The following ROCK2 variants were observed in gnomAD, a reference collection of about 807,000 sequenced individuals.
The protein encoded by ROCK2 is Rho associated coiled-coil containing protein kinase 2.
Under a neutral mutation model 195.1 loss-of-function variants are expected in ROCK2, and 61 were observed. The ratio of observed to expected loss-of-function variants is 0.31; its 90% CI spans 0.25 to 0.39. The LOEUF (loss-of-function observed/expected upper bound fraction) is 0.39. Ranked by LOEUF, ROCK2 falls within the 10% of genes least tolerant of loss-of-function variation. The pLI is 1.00. For synonymous variants in ROCK2, 504 were observed against 545.5 expected, an observed-to-expected ratio of 0.92 and a Z score of 1.06; for missense variants, 1,109 against 1,637.4, an observed-to-expected ratio of 0.68 and a Z score of 5.57.
At chr2:11,186,660 G>A (rs1663210620) in intron 32 of ROCK2, among the ~76,000 whole-genome samples, 1 of 151,920 alleles carries the variant, frequency 6.6e-6, no homozygotes, top group Non-Finnish European at 1.5e-5. Context: ...TTTCAGTTGG[G>A]TTCAGACTTT....
At chr2:11,213,565 T>C (rs202190391) in intron 17 of ROCK2, among the ~76,000 whole-genome samples, 1 of 60,912 alleles carries the variant, frequency 1.6e-5, no homozygotes, top group Non-Finnish European at 5.0e-5. Flanking sequence ...CCACAGAAGA[T>C]AAAATATTTA....
At chr2:11,230,259 T>C (rs556974486) in intron 5 of ROCK2, among the ~76,000 whole-genome samples, 1 of 152,098 alleles carries the variant, frequency 6.6e-6, no homozygotes, top group South Asian at 2.1e-4. Context: ...ACAGAGAAAA[T>C]ATAAGACAAG....
chr2:11,229,143 TATAGTA>T (rs1664913143), intron 5 of ROCK2, among the ~76,000 whole-genome samples: 1 of 152,162 alleles, frequency 6.6e-6, no homozygotes, highest in African/African-American at 2.4e-5. Context: ...TTATATTCTA[TATAGTA>T]ATAGTAATTA....
chr2:11,183,314 T>A lies in ROCK2; in HGVS notation c.*123A>T. ...AAAGGGGAACACATATATGTATGAG[T>A]GTATGTATCAGTCTCTCAGGAAAAT... On this transcript the variant is annotated 3_prime_UTR_variant, in exon 33 of 33. Coordinates refer to ENST00000315872, the MANE Select transcript of ROCK2 (RefSeq NM_004850.5). 1.4e-6 allele frequency: 1 copy of A among 694,338 alleles called. No homozygotes were observed. The highest frequency in any genetic ancestry group is 2.5e-6 in the Non-Finnish European group (1 of 405,020). 43.0% of individuals were successfully genotyped at this position (694,338 alleles called of 1,614,324 possible). A position where few individuals can be genotyped will look rare whatever the true frequency, so the allele number is the denominator to read the frequency against.
chr2:11,249,266 G>A (rs1665742881), intron 4 of ROCK2, among the ~76,000 whole-genome samples: 2 of 152,112 alleles, frequency 1.3e-5, no homozygotes, highest in African/African-American at 4.8e-5. Flanking sequence ...GTGCAGGTCT[G>A]TTACATATGT....
At chr2:11,333,553 T>C (rs992618030) in intron 1 of ROCK2, among the ~76,000 whole-genome samples, 54 of 152,208 alleles carry the variant, frequency 3.5e-4, no homozygotes, top group African/African-American at 1.3e-3. Context: ...ACTACAAACA[T>C]GAAACAGTTT....
intron 28 of ROCK2, 142 bp downstream of exon 28, chr2:11,194,808 AATCAT>A (rs1223275618): frequency 2.4e-6 from 1 of 416,200 alleles, no homozygotes; most frequent in Non-Finnish European, 4.3e-6. Context: ...AGATAAATAA[AATCAT>A]ATCATTTCAA....
intron 1 of ROCK2, among the ~76,000 whole-genome samples, chr2:11,292,991 GC>G (rs1667407618): frequency 6.6e-6 from 1 of 152,072 alleles, no homozygotes; most frequent in Admixed American, 6.5e-5. Flanking sequence ...GCTTCCCTTT[GC>G]TTTCTGTCAT....
chr2:11,311,943 T>C (rs180978901), intron 1 of ROCK2, among the ~76,000 whole-genome samples: 3 of 152,282 alleles, frequency 2.0e-5, no homozygotes, highest in Non-Finnish European at 2.9e-5. Context: ...CAACTACAAA[T>C]ATGTACAATG....
intron 11 of ROCK2, 171 bp from the exon 12 acceptor site, chr2:11,217,340 TCCC>T (rs1664469937): frequency 2.8e-6 from 2 of 709,940 alleles, no homozygotes; most frequent in South Asian, 1.4e-5. Context: ...AAGGAAAAAC[TCCC>T]CCATCTCTTG....
At chr2:11,216,448 G>C (rs528200357) in intron 12 of ROCK2, among the ~76,000 whole-genome samples, 35 of 151,442 alleles carry the variant, frequency 2.3e-4, no homozygotes, top group South Asian at 4.2e-4. Context: ...GCCCCTCAAA[G>C]TGTTGGGATT....
chr2:11,198,788 G>C lies in ROCK2; in HGVS notation c.2911-14C>G. 1 of 1,491,652 alleles carries C rather than the reference G, an allele frequency of 6.7e-7. No individual in the cohort carries two copies. Among genetic ancestry groups the C allele is most frequent in the African/African-American group, 1.4e-5 (1 of 71,122 alleles). The allele number at this position is 1,491,652 out of a possible 1,614,324, so 92.4% of individuals were successfully genotyped here. Reference sequence around the variant, plus strand: ...AGTTTCCTCAAGCTAAGAAATGAAAGAGGAAAAAATAATCACATCCCAATT... The same window carrying C: ...AGTTTCCTCAAGCTAAGAAATGAAACAGGAAAAAATAATCACATCCCAATT... On this transcript the variant is annotated splice_polypyrimidine_tract_variant and intron_variant, in intron 23 of 32. Coordinates refer to ENST00000315872, the MANE Select transcript of ROCK2 (RefSeq NM_004850.5).
intron 7 of ROCK2, among the ~76,000 whole-genome samples, 177 bp downstream of exon 7, chr2:11,224,144 CA>C (rs1485799386): frequency 1.3e-5 from 2 of 152,124 alleles, no homozygotes. Flanking sequence ...GCTGTACACA[CA>C]TAACAACAAG....
At chr2:11,239,207 T>G (rs1300425321) in intron 4 of ROCK2, among the ~76,000 whole-genome samples, 2 of 152,046 alleles carry the variant, frequency 1.3e-5, no homozygotes, top group Non-Finnish European at 2.9e-5. Context: ...AATAAAAAAC[T>G]GATACATGGT....
intron 3 of ROCK2, among the ~76,000 whole-genome samples, chr2:11,271,268 T>G (rs200598337): frequency 6.6e-6 from 1 of 152,206 alleles, no homozygotes; most frequent in East Asian, 1.9e-4. Flanking sequence ...TCTCCAATAT[T>G]CACTGTGAGA....
intron 4 of ROCK2, among the ~76,000 whole-genome samples, chr2:11,238,209 A>AGT (rs6146630): frequency 0.022 from 2,935 of 135,346 alleles, 92 homozygotes; most frequent in African/African-American, 0.069. Context: ...ATTGAGAAAG[A>AGT]GTGTGTGTGT....
intron 4 of ROCK2, among the ~76,000 whole-genome samples, chr2:11,238,379 TTCAATGCAATC>T (rs1665302057): frequency 6.6e-6 from 1 of 152,118 alleles, no homozygotes; most frequent in African/African-American, 2.4e-5. Flanking sequence ...GATCATTATA[TTCAATGCAATC>T]TCCATCTCAA....
chr2:11,214,970 T>C lies in ROCK2; in HGVS notation c.1806A>G (p.Leu602=), dbSNP rs375342959. 327 of 1,614,136 alleles carry C rather than the reference T, an allele frequency of 2.0e-4. 3 individuals are homozygous for C. The Middle Eastern group carries it at 3.3e-3, about 16-fold the overall frequency. ...IQQLESNNRD[L]QDKNCLLETA... is the part of the protein sequence containing the mutation. ...TCTCCAGCAGGCAGTTTTTATCTTG[T>C]AGATCTCTATTGTTAGATTCCAGCT... is the stretch of plus-strand genomic sequence containing the variant. Residue 602 remains leucine, a synonymous_variant, in exon 16 of 33, where the codon CTA becomes CTG. Transcript: ENST00000315872.
intron 4 of ROCK2, among the ~76,000 whole-genome samples, chr2:11,238,400 A>G (rs577714774): frequency 6.6e-6 from 1 of 152,240 alleles, no homozygotes; most frequent in South Asian, 2.1e-4. Context: ...CTCCATCTCA[A>G]TCCCAGTGGG....
Sources: allele counts gnomAD v4.1 joint callset (sites outside exome capture counted in the v4.1 genomes callset), GRCh38; gene constraint gnomAD v4.1.1; transcripts MANE v1.5; gene names NCBI Gene and HGNC (gene_info 2026-07-23, HGNC 2026-07-21).